The following MMRN1 variants were observed in gnomAD, a reference collection of about 807,000 sequenced individuals.
MMRN1 encodes multimerin-1.
Under a neutral mutation model 100.7 loss-of-function variants are expected in MMRN1, and 94 were observed. The observed-to-expected ratio is 0.93, with a 90% confidence interval of 0.79 to 1.11. MMRN1 has a LOEUF of 1.11. Ranked by LOEUF, MMRN1 falls within the 50% of genes least tolerant of loss-of-function variation. The pLI is 0.00. For missense variants in MMRN1, 1,606 were observed against 1,439.1 expected, an observed-to-expected ratio of 1.12 and a Z score of -1.88; for synonymous variants, 575 against 505.0, an observed-to-expected ratio of 1.14 and a Z score of -1.86.
intron 6 of MMRN1, among the ~76,000 whole-genome samples, chr4:89,948,664 C>T: frequency 6.6e-6 from 1 of 152,194 alleles, no homozygotes; most frequent in African/African-American, 2.4e-5. Flanking sequence ...TGCTTGGGCT[C>T]AACTGGTACA....
intron 1 of MMRN1, among the ~76,000 whole-genome samples, chr4:89,903,867 C>T (rs1578470684): frequency 6.7e-6 from 1 of 148,882 alleles, no homozygotes; most frequent in African/African-American, 2.5e-5. Context: ...CCACTGCCCC[C>T]ACCCCTCACC....
chr4:89,927,769 G>A (rs1408161960), intron 4 of MMRN1, 26 bp from the exon 5 acceptor site: 1 of 1,586,946 alleles, frequency 6.3e-7, no homozygotes, highest in Admixed American at 1.9e-5. Context: ...TTTTTTAATG[G>A]TCTCAATTTT....
At chr4:89,924,011 T>C (rs532962067) in intron 4 of MMRN1, among the ~76,000 whole-genome samples, 78 of 152,314 alleles carry the variant, frequency 5.1e-4, no homozygotes, top group Non-Finnish European at 9.8e-4. Flanking sequence ...AAGACCATAA[T>C]ATTCTTGAAT....
chr4:89,890,510 C>G (rs967595599), upstream of MMRN1, among the ~76,000 whole-genome samples: 1 of 151,936 alleles, frequency 6.6e-6, no homozygotes, highest in Admixed American at 6.6e-5. Flanking sequence ...GAGTCTTATT[C>G]TATTTTTTCT....
chr4:89,883,743 T>C (rs1443144859), intron 1 of MMRN1, among the ~76,000 whole-genome samples: 3 of 152,130 alleles, frequency 2.0e-5, no homozygotes, highest in Non-Finnish European at 4.4e-5. Flanking sequence ...GTTTTAAATT[T>C]GGAGGAGATG....
Position 89,936,636 on chromosome 4 carries a change from A to G in MMRN1, c.2956A>G (p.Ile986Val), listed in dbSNP as rs759658850. Residue 986 changes from isoleucine (I) to valine (V), a missense_variant, in exon 6 of 8, where the codon ATA becomes GTA. By Grantham distance (29) the Ile-to-Val change is conservative (BLOSUM62 3). Coordinates refer to ENST00000264790, the MANE Select transcript of MMRN1 (RefSeq NM_007351.3). The stretch of plus-strand genomic sequence containing the variant: ...TGCCCTATCTAATTTAACTTGTTGT[A>G]TAGATCGATCGTTGCCTGGTAGTCT... ...QAALSNLTCC[I>V]DRSLPGSLAN... is the part of the protein sequence containing the mutation. The G allele has an allele frequency of 8.7e-6, 14 of 1,613,326 alleles. No individual in the cohort carries two copies. In the Admixed American group the frequency reaches 1.2e-4, roughly 13 times the overall value.
chr4:89,890,304 T>C (rs1441370213), upstream of MMRN1, among the ~76,000 whole-genome samples: 1 of 151,744 alleles, frequency 6.6e-6, no homozygotes, highest in East Asian at 1.9e-4. Context: ...CTTTCTCTTC[T>C]TTCCAGGCTG....
intron 6 of MMRN1, among the ~76,000 whole-genome samples, chr4:89,948,931 A>C (rs1242960992): frequency 1.3e-5 from 2 of 152,188 alleles, no homozygotes; most frequent in African/African-American, 4.8e-5. Flanking sequence ...TAACAGTAGT[A>C]GTAGATGCAG....
chr4:89,948,303 A>T (rs908715468), intron 6 of MMRN1, among the ~76,000 whole-genome samples: 4 of 152,172 alleles, frequency 2.6e-5, no homozygotes, highest in African/African-American at 9.7e-5. Flanking sequence ...TTTATCGATA[A>T]CTTGGAGGAA....
chr4:89,923,142 T>A, intron 3 of MMRN1, 26 bp from the exon 4 acceptor site: 3 of 1,590,876 alleles, frequency 1.9e-6, no homozygotes, highest in Non-Finnish European at 2.6e-6. Flanking sequence ...CTTAACTGTC[T>A]CTCTTCTCTT....
chr4:89,942,310 A>G (rs1219575906), intron 6 of MMRN1, among the ~76,000 whole-genome samples: 1 of 152,152 alleles, frequency 6.6e-6, no homozygotes, highest in African/African-American at 2.4e-5. Context: ...ATATTTTTGT[A>G]CTGGTCATTA....
chr4:89,911,081 TA>T, intron 2 of MMRN1, among the ~76,000 whole-genome samples: 1 of 151,526 alleles, frequency 6.6e-6, no homozygotes, highest in Non-Finnish European at 1.5e-5. Context: ...ATGAGGATAA[TA>T]ATAATGCCTT....
intron 3 of MMRN1, 25 bp from the exon 4 acceptor site, chr4:89,923,143 C>T (rs1387215858): frequency 6.3e-7 from 1 of 1,594,232 alleles, no homozygotes; most frequent in African/African-American, 1.3e-5. Flanking sequence ...TTAACTGTCT[C>T]TCTTCTCTTT....
intron 1 of MMRN1, among the ~76,000 whole-genome samples, chr4:89,884,945 T>C (rs564853879): frequency 0.023 from 3,565 of 152,284 alleles, 76 homozygotes; most frequent in Non-Finnish European, 0.039. Flanking sequence ...TTGTTTTTTC[T>C]TTTTATATTG....
chr4:89,911,849 T>C (rs970896904), intron 2 of MMRN1, 95 bp from the exon 3 acceptor site: 23 of 729,728 alleles, frequency 3.2e-5, no homozygotes, highest in Non-Finnish European at 5.2e-5. Context: ...TGTTATATTG[T>C]AGGCATTGCC....
intron 3 of MMRN1, among the ~76,000 whole-genome samples, chr4:89,920,551 G>T (rs1722055710): frequency 6.6e-6 from 1 of 152,032 alleles, no homozygotes; most frequent in African/African-American, 2.4e-5. Context: ...ACTCTTTAAG[G>T]AATTGTATGA....
At chr4:89,892,380 A>G (rs575254515), upstream of MMRN1, among the ~76,000 whole-genome samples, 49 of 151,672 alleles carry the variant, frequency 3.2e-4, 1 homozygote, top group South Asian at 8.3e-4. Flanking sequence ...AGTATCTAGT[A>G]TCTAGTATAA....
intron 1 of MMRN1, among the ~76,000 whole-genome samples, chr4:89,898,624 T>G (rs1721285592): frequency 1.3e-5 from 2 of 151,738 alleles, no homozygotes; most frequent in South Asian, 4.2e-4. Flanking sequence ...AACCTCATCT[T>G]CCGCCACTTC....
chr4:89,881,046 A>C (rs1432306167), intron 1 of MMRN1, among the ~76,000 whole-genome samples: 1 of 152,188 alleles, frequency 6.6e-6, no homozygotes, highest in Admixed American at 6.6e-5. Context: ...ATTAAGGGTA[A>C]GGCATTTGTT....
Sources: gnomAD v4.1 joint callset for allele counts (sites outside exome capture counted in the v4.1 genomes callset) on GRCh38, gnomAD v4.1.1 for gene constraint, MANE v1.5 for transcripts, NCBI Gene and HGNC (gene_info 2026-07-23, HGNC 2026-07-21) for gene names.